PPP1R9A: variants seen among roughly 807,000 people sequenced by gnomAD.
PPP1R9A encodes protein phosphatase 1 regulatory subunit 9A.
A neutral mutation model predicts 141.9 loss-of-function variants in PPP1R9A; 59 were observed. The ratio of observed to expected loss-of-function variants is 0.42; its 90% CI spans 0.34 to 0.52. The LOEUF (loss-of-function observed/expected upper bound fraction) is 0.52. Ranked by LOEUF, PPP1R9A falls within the 20% of genes least tolerant of loss-of-function variation. PPP1R9A has a pLI of 0.10. For missense variants in PPP1R9A, 1,444 were observed against 1,611.9 expected (o/e 0.90, Z 1.78); for synonymous variants, 500 against 569.7 (o/e 0.88, Z 1.74).
chr7:95,143,526 G>C lies in PPP1R9A; in HGVS notation c.1650-18341G>C, dbSNP rs538183706. Among the ~76,000 whole-genome samples the C allele has an allele frequency of 7.2e-5, 11 of 152,160 alleles. No individual in the cohort carries two copies. The East Asian group carries it at 1.7e-3, about 24-fold the overall frequency. ...AGATGGTTAGAGGAACTCTGCTTTC[G>C]AGTGTTTCTAAGCCAATTTGTTATT... On this transcript the variant is annotated intron_variant, in intron 4 of 19. Transcript: ENST00000433360.
At chr7:95,041,391 A>T (rs1021197203) in intron 2 of PPP1R9A, among the ~76,000 whole-genome samples, 4 of 152,328 alleles carry the variant, frequency 2.6e-5, no homozygotes, top group African/African-American at 9.6e-5. Flanking sequence ...GGAAACTTGC[A>T]TTGGTAGAAT....
chr7:95,121,041 G>A (rs1822477095), intron 4 of PPP1R9A, among the ~76,000 whole-genome samples: 1 of 151,984 alleles, frequency 6.6e-6, no homozygotes, highest in Admixed American at 6.6e-5. Flanking sequence ...TAAATGAGTG[G>A]GCAGATCTAT....
chr7:95,120,706 T>A lies in PPP1R9A; in HGVS notation c.1529-6T>A. ...TTCACCTCCCCCCTTTTTTTCTTTT[T>A]AATAGATGAGGATGGTCTTGGTATA... On this transcript the variant is annotated splice_region_variant and splice_polypyrimidine_tract_variant and intron_variant, in intron 3 of 19. Coordinates refer to ENST00000433360, the MANE Select transcript of PPP1R9A (RefSeq NM_001166160.2). 1 of 1,609,398 alleles carries A rather than the reference T, an allele frequency of 6.2e-7. No individual in the cohort carries two copies. Among genetic ancestry groups the A allele is most frequent in the South Asian group, 1.1e-5 (1 of 89,602 alleles).
At chr7:95,235,331 C>T (rs1343178684) in intron 8 of PPP1R9A, among the ~76,000 whole-genome samples, 2 of 152,050 alleles carry the variant, frequency 1.3e-5, no homozygotes, top group East Asian at 3.9e-4. Context: ...ACAAAACAAA[C>T]AATCCCATCA....
chr7:95,290,224 A>G lies in PPP1R9A; in HGVS notation c.4046A>G (p.Glu1349Gly). 6.2e-7 allele frequency: 1 copy of G among 1,613,636 alleles called. No homozygotes were observed. The highest frequency in any genetic ancestry group is 8.5e-7 in the Non-Finnish European group (1 of 1,179,780). Residue 1349 changes from glutamate (E) to glycine (G), a missense_variant, in exon 20 of 20, where the codon GAG becomes GGG. By Grantham distance (98) the Glu-to-Gly change is moderately conservative. This residue lies in a region of PPP1R9A where 459 missense variants were observed against 513.8 expected (regional missense o/e 0.89). Coordinates refer to ENST00000433360, the MANE Select transcript of PPP1R9A (RefSeq NM_001166160.2). The part of the protein sequence containing the change: ...EKQREKLRRK[E>G]QEQMQRKSKK... ...CAAAGAGAAAAGCTAAGGAGAAAGG[A>G]GCAAGAGCAAATGCAGAGGAAGTCC... is the stretch of plus-strand genomic sequence containing the variant.
At chr7:95,074,486 T>A (rs543425600) in intron 2 of PPP1R9A, among the ~76,000 whole-genome samples, 2 of 151,382 alleles carry the variant, frequency 1.3e-5, no homozygotes. Flanking sequence ...TTTTGTTGTT[T>A]TTTTTGAGAC....
intron 7 of PPP1R9A, among the ~76,000 whole-genome samples, chr7:95,218,641 T>TA (rs1793888465): frequency 6.6e-6 from 1 of 152,066 alleles, no homozygotes; most frequent in Non-Finnish European, 1.5e-5. Context: ...GCTTTATGAA[T>TA]CTGGGTGCTC....
In PPP1R9A at chr7:95,197,425, C is replaced by CT. The variant is rs531402609; in HGVS notation, c.1755-917dup. ...TATCTTACTTGTTTTTCTCTTTAGG[C>CT]TTTTTTTATAGGCATTAATAACAAA... On this transcript the variant is annotated intron_variant, in intron 5 of 19. Coordinates refer to ENST00000433360, the MANE Select transcript of PPP1R9A (RefSeq NM_001166160.2). Among the ~76,000 whole-genome samples the CT allele has an allele frequency of 8.9e-4, 136 of 152,098 alleles. 1 individual carries two copies. The South Asian group carries it at 0.013, about 14-fold the overall frequency.
intron 12 of PPP1R9A, among the ~76,000 whole-genome samples, chr7:95,266,282 A>T (rs1485862726): frequency 1.3e-5 from 2 of 152,110 alleles, no homozygotes; most frequent in African/African-American, 4.8e-5. Context: ...ACCAAAATAA[A>T]AAATCATCCA....
chr7:95,236,084 A>G (rs1166883376), intron 8 of PPP1R9A, among the ~76,000 whole-genome samples: 2 of 152,200 alleles, frequency 1.3e-5, no homozygotes, highest in Non-Finnish European at 2.9e-5. Context: ...AGAAATCACC[A>G]CTAAAGAATT....
chr7:95,069,104 G>C (rs1298810942), intron 2 of PPP1R9A, among the ~76,000 whole-genome samples: 1 of 152,070 alleles, frequency 6.6e-6, no homozygotes. Context: ...ATTGTTTAAG[G>C]AATAATGACA....
chr7:94,956,719 A>AT (rs373779250), intron 2 of PPP1R9A, among the ~76,000 whole-genome samples: 16 of 152,174 alleles, frequency 1.1e-4, no homozygotes, highest in African/African-American at 3.4e-4. Context: ...TAAGGAAAAA[A>AT]AAGTGGTATG....
chr7:95,159,975 T>C (rs1018559981), intron 4 of PPP1R9A, among the ~76,000 whole-genome samples: 2 of 150,402 alleles, frequency 1.3e-5, no homozygotes, highest in African/African-American at 4.9e-5. Flanking sequence ...GACTCAAATA[T>C]AGCACAATGC....
At chr7:94,944,994 G>C (rs1323715555) in intron 2 of PPP1R9A, among the ~76,000 whole-genome samples, 1 of 152,026 alleles carries the variant, frequency 6.6e-6, no homozygotes, top group Non-Finnish European at 1.5e-5. Flanking sequence ...TGATAGCCAA[G>C]AGGTAAACTT....
intron 2 of PPP1R9A, among the ~76,000 whole-genome samples, chr7:95,048,523 T>TTTGTTG (rs34158265): frequency 0.021 from 3,214 of 150,578 alleles, 53 homozygotes; most frequent in Middle Eastern, 0.041. Context: ...ATGACAGCGT[T>TTTGTTG]TTGTTGTTGT....
intron 12 of PPP1R9A, among the ~76,000 whole-genome samples, chr7:95,257,671 C>G (rs888325669): frequency 2.6e-5 from 4 of 152,060 alleles, no homozygotes; most frequent in African/African-American, 7.2e-5. Flanking sequence ...CCCTGCTCCC[C>G]CCACCCCACA....
chr7:95,015,781 G>T (rs1156867988), intron 2 of PPP1R9A, among the ~76,000 whole-genome samples: 1 of 152,090 alleles, frequency 6.6e-6, no homozygotes, highest in Non-Finnish European at 1.5e-5. Flanking sequence ...GATTTATGGT[G>T]GCTCATGTCT....
intron 2 of PPP1R9A, among the ~76,000 whole-genome samples, chr7:94,959,679 A>G (rs1280985864): frequency 1.3e-5 from 2 of 151,722 alleles, no homozygotes; most frequent in Non-Finnish European, 3.0e-5. Flanking sequence ...ACTTATAATC[A>G]CAAGTCTCAA....
chr7:95,074,489 T>C (rs1037085972), intron 2 of PPP1R9A, among the ~76,000 whole-genome samples: 1 of 148,986 alleles, frequency 6.7e-6, no homozygotes, highest in Non-Finnish European at 1.5e-5. Context: ...TGTTGTTTTT[T>C]TTGAGACGGA....
Sources: allele counts gnomAD v4.1 joint callset (sites outside exome capture counted in the v4.1 genomes callset), GRCh38; gene constraint gnomAD v4.1.1; regional missense constraint gnomAD v4.1.1; transcripts MANE v1.5; gene names NCBI Gene and HGNC (gene_info 2026-07-23, HGNC 2026-07-21).